The following BCAS3 variants were observed in gnomAD, a reference collection of about 807,000 sequenced individuals.
BCAS3 encodes the protein BCAS3 microtubule associated cell migration factor, also known as BCAS4/BCAS3 fusion.
A neutral mutation model predicts 116.1 loss-of-function variants in BCAS3; 53 were observed. The observed-to-expected ratio is 0.46, with a 90% CI of 0.37 to 0.57. The LOEUF is 0.57. Ranked by LOEUF, BCAS3 falls within the 20% of genes least tolerant of loss-of-function variation. The pLI, the probability that BCAS3 is intolerant of heterozygous loss-of-function variation, is 0.00. For missense variants in BCAS3, 917 were observed against 1,165.4 expected (o/e 0.79, Z 3.10); for synonymous variants, 391 against 408.2 (o/e 0.96, Z 0.51).
intron 10 of BCAS3, chr17:60,900,121 A>T (rs9894293): frequency 0.19 from 28,665 of 151,126 alleles, 3,132 homozygotes; most frequent in African/African-American, 0.31. Flanking sequence ...CATGCTGATC[A>T]GTAGTGGGAT....
At position 61,208,902 on chromosome 17, in the gene BCAS3, G is replaced by A. The variant is rs11651885; in HGVS notation, c.2425+124338G>A. Among the ~76,000 whole-genome samples, 89,722 of 150,868 alleles carry A rather than the reference G, an allele frequency of 0.59. 31,993 individuals are homozygous for A. The highest frequency in any genetic ancestry group is 0.85 in the South Asian group (4,078 of 4,802). ...GAAAAAAAAAAAAAAAGGAGGGCCT[G>A]TATCTCTTGTGTAGCTCAGATCCTT... On this transcript the variant is annotated intron_variant, in intron 22 of 23. Coordinates refer to ENST00000407086, the MANE Select transcript of BCAS3 (RefSeq NM_017679.5). The surrounding 1 kb of genome is among the most constrained non-coding windows in gnomAD (Gnocchi z 4.5).
At chr17:60,843,199 T>TTTG (rs989786820) in intron 7 of BCAS3, among the ~76,000 whole-genome samples, 10 of 150,136 alleles carry the variant, frequency 6.7e-5, no homozygotes, top group African/African-American at 1.2e-4. Context: ...CTATTAATAT[T>TTTG]TTGTTGTTGT....
rs188482016 is a variant in BCAS3 at position 61,366,050 on chromosome 17, C to T, written c.2426-2277C>T. 2.1e-3 allele frequency among the ~76,000 whole-genome samples: 312 copies of T among 151,364 alleles called. 3 individuals are homozygous for T. The highest frequency in any genetic ancestry group is 7.4e-3 in the African/African-American group (305 of 41,196). On this transcript the variant is annotated intron_variant, in intron 22 of 23. Transcript: ENST00000407086. The surrounding 1 kb of genome is among the most constrained non-coding windows in gnomAD (Gnocchi z 4.5). ...CCCAGCTACTCGGGAGGCTGAGACA[C>T]GAGAATCGCCTGGACCCAGGAGGCA...
intron 7 of BCAS3, among the ~76,000 whole-genome samples, chr17:60,832,907 A>G (rs914696611): frequency 2.6e-5 from 4 of 152,240 alleles, no homozygotes; most frequent in Admixed American, 6.5e-5. Flanking sequence ...AGGTTTGGCC[A>G]TGTATGCATT....
At chr17:61,176,514 T>C (rs1340099601) in intron 22 of BCAS3, among the ~76,000 whole-genome samples, 2 of 150,122 alleles carry the variant, frequency 1.3e-5, no homozygotes, top group African/African-American at 4.9e-5. Context: ...AGGTTGAAAA[T>C]TGTGTAATGT....
At chr17:61,253,500 T>C (rs549319752) in intron 22 of BCAS3, among the ~76,000 whole-genome samples, 11 of 152,226 alleles carry the variant, frequency 7.2e-5, no homozygotes, top group African/African-American at 2.6e-4. Flanking sequence ...ATTAGCATTA[T>C]ACTATCATCT....
rs1476861539 is a variant in BCAS3 at position 61,126,858 on chromosome 17, CATT to C, written c.2425+42296_2425+42298del. On this transcript the variant is annotated intron_variant, in intron 22 of 23. Coordinates refer to ENST00000407086, the MANE Select transcript of BCAS3 (RefSeq NM_017679.5). The surrounding 1 kb of genome is among the most constrained non-coding windows in gnomAD (Gnocchi z 4.6). ...TGTGGGAAAAATATTACAACCGTAT[CATT>C]ACTACTTTGAATACAGGAATGTCTT... Among the ~76,000 whole-genome samples the C allele has an allele frequency of 1.3e-5, 2 of 152,056 alleles. No homozygotes were observed. The highest frequency in any genetic ancestry group is 4.8e-5 in the African/African-American group (2 of 41,406).
At chr17:60,689,971 T>TGTTATA (rs1181493843) in intron 4 of BCAS3, among the ~76,000 whole-genome samples, 1 of 152,198 alleles carries the variant, frequency 6.6e-6, no homozygotes, top group Non-Finnish European at 1.5e-5. Flanking sequence ...AGTGTGTAAG[T>TGTTATA]GTTAAACTTT....
intron 6 of BCAS3, among the ~76,000 whole-genome samples, chr17:60,804,094 C>T (rs371400766): frequency 2.7e-4 from 41 of 151,106 alleles, no homozygotes; most frequent in Middle Eastern, 3.4e-3. Context: ...TGAGCCACTG[C>T]GCCCGGCCAC....
chr17:61,281,201 C>T lies in BCAS3; in HGVS notation c.2426-87126C>T, dbSNP rs944073108. Among the ~76,000 whole-genome samples, 5 of 152,170 alleles carry T rather than the reference C, an allele frequency of 3.3e-5. No homozygotes were observed. Among genetic ancestry groups the T allele is most frequent in the African/African-American group, 1.2e-4 (5 of 41,450 alleles). Reference sequence around the variant, plus strand: ...ATTTATAGAATTTCCTTAGAGACAACATAGTTTTCCACAATTTATTTCACA... The same window carrying T: ...ATTTATAGAATTTCCTTAGAGACAATATAGTTTTCCACAATTTATTTCACA... On this transcript the variant is annotated intron_variant, in intron 22 of 23. Transcript: ENST00000407086. This position sits in a 1 kb window ranked among gnomAD's most constrained non-coding sequence, Gnocchi z 4.2.
At chr17:60,685,723 G>C (rs2033928852) in intron 3 of BCAS3, among the ~76,000 whole-genome samples, 1 of 152,138 alleles carries the variant, frequency 6.6e-6, no homozygotes, top group Non-Finnish European at 1.5e-5. Flanking sequence ...TAGAGATGTA[G>C]ATTTTTGGTG....
chr17:61,360,403 A>G (rs1395807621), intron 22 of BCAS3, among the ~76,000 whole-genome samples: 1 of 152,128 alleles, frequency 6.6e-6, no homozygotes, highest in Non-Finnish European at 1.5e-5. Flanking sequence ...TAGGTTTATT[A>G]TTTTCCTAGG....
At chr17:61,295,286 T>C (rs1330741062) in intron 22 of BCAS3, among the ~76,000 whole-genome samples, 1 of 152,186 alleles carries the variant, frequency 6.6e-6, no homozygotes, top group Non-Finnish European at 1.5e-5. Flanking sequence ...TTCCTTAAAC[T>C]TTATTCTCAA....
At position 61,128,391 on chromosome 17, in the gene BCAS3, GACACCAGTAGATAT is replaced by G. The variant is rs2076155738; in HGVS notation, c.2425+43831_2425+43844del. Reference sequence around the variant, plus strand: ...ACAGGCTTATTTAAGTGAAAGGTGGGACACCAGTAGATATACATTCAGACAAATCACCCTGCAGT... The same window carrying G: ...ACAGGCTTATTTAAGTGAAAGGTGGGACATTCAGACAAATCACCCTGCAGT... On this transcript the variant is annotated intron_variant, in intron 22 of 23. Coordinates refer to ENST00000407086, the MANE Select transcript of BCAS3 (RefSeq NM_017679.5). The surrounding 1 kb of genome is among the most constrained non-coding windows in gnomAD (Gnocchi z 4.1). 2.0e-6 allele frequency: 2 copies of G among 985,350 alleles called. No individual in the cohort carries two copies. Among genetic ancestry groups the G allele is most frequent in the Admixed American group, 1.2e-4 (2 of 16,286 alleles). The allele number at this position is 985,350 out of a possible 1,614,324, so 61.0% of individuals were successfully genotyped here. A position where few individuals can be genotyped will look rare whatever the true frequency, so the allele number is the denominator to read the frequency against.
In BCAS3 at chr17:61,261,270, G is replaced by A. The variant is rs2049180638; in HGVS notation, c.2426-107057G>A. On this transcript the variant is annotated intron_variant, in intron 22 of 23. Coordinates refer to ENST00000407086, the MANE Select transcript of BCAS3 (RefSeq NM_017679.5). This position sits in a 1 kb window ranked among gnomAD's most constrained non-coding sequence, Gnocchi z 4.4. ...ACACTGATTCAAGAATATGTTTAGAGGAGCTGCGACCCAGGGAAATCCTGC... is the reference window on the plus strand; with the variant it reads ...ACACTGATTCAAGAATATGTTTAGAAGAGCTGCGACCCAGGGAAATCCTGC... 6.6e-6 allele frequency among the ~76,000 whole-genome samples: 1 copy of A among 152,200 alleles called. No individual in the cohort carries two copies.
chr17:60,964,854 AT>A lies in BCAS3; in HGVS notation c.1221+17508del, dbSNP rs1175387792. ...TAATTGTTCATAGTAGTCTCTAATG[AT>A]TTTTTGTGTTTCTGAGGTCTCAGTT... On this transcript the variant is annotated intron_variant, in intron 14 of 23. Transcript: ENST00000407086. This position sits in a 1 kb window ranked among gnomAD's most constrained non-coding sequence, Gnocchi z 4.6. Among the ~76,000 whole-genome samples the A allele has an allele frequency of 2.6e-5, 4 of 151,922 alleles. No homozygotes were observed. In the South Asian group the frequency reaches 8.3e-4, roughly 32 times the overall value.
Position 60,967,761 on chromosome 17 carries a change from T to C in BCAS3, c.1221+20409T>C, listed in dbSNP as rs569084016. ...CTCCCACCACCCCCCACACCCCCAA[T>C]TGTATTTTCAAATAGCCAGTATTTT... On this transcript the variant is annotated intron_variant, in intron 14 of 23. Transcript: ENST00000407086. The surrounding 1 kb of genome is among the most constrained non-coding windows in gnomAD (Gnocchi z 4.7). 3.3e-5 allele frequency among the ~76,000 whole-genome samples: 5 copies of C among 151,960 alleles called. No individual in the cohort carries two copies. Among genetic ancestry groups the C allele is most frequent in the Admixed American group, 6.5e-5 (1 of 15,272 alleles).
intron 6 of BCAS3, among the ~76,000 whole-genome samples, chr17:60,753,117 C>T (rs1197920042): frequency 6.6e-6 from 1 of 152,190 alleles, no homozygotes; most frequent in Non-Finnish European, 1.5e-5. Flanking sequence ...GCTGGGATTA[C>T]AGATGTGACC....
At position 61,315,024 on chromosome 17, in the gene BCAS3, A is replaced by G. The variant is rs1226515668; in HGVS notation, c.2426-53303A>G. Among the ~76,000 whole-genome samples, 2 of 152,162 alleles carry G rather than the reference A, an allele frequency of 1.3e-5. No individual in the cohort carries two copies. Among genetic ancestry groups the G allele is most frequent in the Non-Finnish European group, 2.9e-5 (2 of 68,032 alleles). On this transcript the variant is annotated intron_variant, in intron 22 of 23. Coordinates refer to ENST00000407086, the MANE Select transcript of BCAS3 (RefSeq NM_017679.5). This position sits in a 1 kb window ranked among gnomAD's most constrained non-coding sequence, Gnocchi z 5.3. ...GAACTCCTCTTCACCCATCCGAGGA[A>G]CAGTGTGCCTGGAAAATGCCTTGAA... is the stretch of plus-strand genomic sequence containing the variant.
Sources: gnomAD v4.1 joint callset for allele counts (sites outside exome capture counted in the v4.1 genomes callset) on GRCh38, gnomAD v4.1.1 for gene constraint, Gnocchi (gnomAD v3.1) non-coding constraint, MANE v1.5 for transcripts, NCBI Gene and HGNC (gene_info 2026-07-23, HGNC 2026-07-21) for gene names.